MAGEA11: variants seen among roughly 807,000 people sequenced by gnomAD.
The protein encoded by MAGEA11 is MAGE family member A11.
A neutral mutation model predicts 8.4 loss-of-function variants in MAGEA11; 1 was observed. The observed-to-expected ratio is 0.12, with a 90% CI of 0.04 to 0.57. The LOEUF is 0.57. MAGEA11 is among the 20% of genes least tolerant of loss of function. MAGEA11 has a pLI of 0.91. For missense variants in MAGEA11, 209 were observed against 317.3 expected (o/e 0.66, Z 2.59); for synonymous variants, 127 against 119.3 (o/e 1.06, Z -0.42).
rs73608703 is a variant in MAGEA11 at position 149,698,515 on chromosome X, C to G, written c.9+9531C>G. On this transcript the variant is annotated intron_variant, in intron 1 of 3. Coordinates refer to the MAGEA11 transcript ENST00000333104. ...ATATTGTTGGTAAAGGCAGTCATGT[C>G]CTGTCTGTTGACCAACCTGCTCAGC... 6.0e-3 allele frequency among the ~76,000 whole-genome samples: 666 copies of G among 111,524 alleles called. 6 individuals are homozygous for G. Among genetic ancestry groups the G allele is most frequent in the African/African-American group, 0.021 (654 of 30,653 alleles).
chrX:149,716,212 G>A lies in MAGEA11; in HGVS notation c.726G>A (p.Leu242=). 1.7e-6 allele frequency: 2 copies of A among 1,211,872 alleles called. No individual in the cohort carries two copies. Among genetic ancestry groups the A allele is most frequent in the Non-Finnish European group, 2.2e-6 (2 of 895,288 alleles). ...LLLRKYRVKG[L]ITKAEMLGSV... The stretch of plus-strand genomic sequence containing the variant: ...TCCGCAAGTATCGAGTCAAGGGGCT[G>A]ATCACAAAGGCAGAAATGCTGGGGA... Residue 242 remains leucine (L), a synonymous_variant, in exon 5 of 5, where the codon CTG becomes CTA. Coordinates refer to ENST00000355220, the MANE Select transcript of MAGEA11 (RefSeq NM_005366.5).
At chrX:149,697,592 C>G (rs1221357389) in intron 1 of MAGEA11, among the ~76,000 whole-genome samples, 1 of 110,100 alleles carries the variant, frequency 9.1e-6, no homozygotes, top group Non-Finnish European at 1.9e-5. Context: ...TCGCCCCTAC[C>G]AGGGGTAGGG....
At position 149,716,533 on chromosome X, in the gene MAGEA11, C is replaced by T. The variant is rs782175031; in HGVS notation, c.1047C>T (p.His349=). The T allele has an allele frequency of 1.1e-5, 13 of 1,209,813 alleles. No individual in the cohort carries two copies. The Admixed American group carries it at 2.4e-4, about 22-fold the overall frequency. The part of the protein sequence containing the change: ...SIMGVYAGRE[H]FLFGEPKRLL... Reference sequence around the variant, plus strand: ...TGGGGGTGTATGCTGGAAGGGAGCACTTCCTCTTTGGGGAGCCCAAGAGGC... The same window carrying T: ...TGGGGGTGTATGCTGGAAGGGAGCATTTCCTCTTTGGGGAGCCCAAGAGGC... Residue 349 remains histidine, a synonymous_variant, in exon 5 of 5, where the codon CAC becomes CAT. Coordinates refer to ENST00000355220, the MANE Select transcript of MAGEA11 (RefSeq NM_005366.5).
intron 1 of MAGEA11, among the ~76,000 whole-genome samples, chrX:149,703,250 T>A (rs2090361633): frequency 8.9e-6 from 1 of 112,478 alleles, no homozygotes; most frequent in African/African-American, 3.2e-5. Flanking sequence ...CAAAAAGAGA[T>A]TTATACTTGG....
At chrX:149,713,706 T>C (rs2090413589) in intron 2 of MAGEA11, 1 of 117,473 alleles carries the variant, frequency 8.5e-6, no homozygotes, top group East Asian at 2.8e-4. Flanking sequence ...GCCCCTTCAC[T>C]TTCTGCCTCC....
rs200719649 is a variant in MAGEA11 at position 149,716,053 on chromosome X, T to A, written c.567T>A (p.Phe189Leu). The change falls in exon 5 of 5, where the codon TTT becomes TTA. Residue 189 changes from phenylalanine (F) to leucine (L), a missense_variant. Phe to Leu is a conservative substitution (Grantham distance 22). Around this residue, in one of 2 missense-constraint regions of MAGEA11, gnomAD observed 131 missense variants for 138.5 expected, o/e 0.95. Coordinates refer to ENST00000355220, the MANE Select transcript of MAGEA11 (RefSeq NM_005366.5). Reference sequence around the variant, plus strand: ...CTCCCACTGCCATGGATGCCATCTTTGGGAGCCTATCTGATGAGGGCTCTG... The same window carrying A: ...CTCCCACTGCCATGGATGCCATCTTAGGGAGCCTATCTGATGAGGGCTCTG... Reference protein sequence around the residue: ...SFSPTAMDAIFGSLSDEGSGS... With the variant: ...SFSPTAMDAILGSLSDEGSGS... The A allele has an allele frequency of 8.3e-7, 1 of 1,212,038 alleles. No individual in the cohort carries two copies. The highest frequency in any genetic ancestry group is 3.0e-5 in the East Asian group (1 of 33,849).
intron 3 of MAGEA11, among the ~76,000 whole-genome samples, chrX:149,715,320 C>A (rs1245868344): frequency 8.9e-6 from 1 of 111,817 alleles, no homozygotes; most frequent in African/African-American, 3.3e-5. Flanking sequence ...TGGGTGCTTG[C>A]AGTCTGCAGC....
At chrX:149,689,646 C>T (rs1236284946) in intron 1 of MAGEA11, among the ~76,000 whole-genome samples, 2 of 112,394 alleles carry the variant, frequency 1.8e-5, no homozygotes, top group African/African-American at 6.5e-5. Context: ...AAGCCCTGTG[C>T]TAGAAGACCT....
chrX:149,697,311 C>A (rs1211592451), intron 1 of MAGEA11, among the ~76,000 whole-genome samples: 1 of 111,458 alleles, frequency 9.0e-6, no homozygotes, highest in African/African-American at 3.3e-5. Flanking sequence ...TCCATCATTA[C>A]CGATTCACCC....
At chrX:149,701,578 C>T (rs1248306537) in intron 1 of MAGEA11, among the ~76,000 whole-genome samples, 1 of 109,565 alleles carries the variant, frequency 9.1e-6, no homozygotes, top group African/African-American at 3.3e-5. Context: ...TAATTAGATC[C>T]CATTTGTCAA....
chrX:149,713,717 C>G, intron 2 of MAGEA11: 1 of 118,859 alleles, frequency 8.4e-6, no homozygotes, highest in Non-Finnish European at 1.7e-5. Context: ...TTCTGCCTCC[C>G]ATATCTCAGA....
intron 1 of MAGEA11, among the ~76,000 whole-genome samples, chrX:149,694,015 G>A (rs182960621): frequency 1.8e-4 from 20 of 111,799 alleles, no homozygotes; most frequent in African/African-American, 3.9e-4. Context: ...TGAATAATGC[G>A]TCTATGTGCA....
intron 1 of MAGEA11, among the ~76,000 whole-genome samples, chrX:149,694,440 C>A (rs2090322357): frequency 8.9e-6 from 1 of 112,027 alleles, no homozygotes; most frequent in South Asian, 3.7e-4. Flanking sequence ...TGTGACTGTT[C>A]TCTTAATATT....
rs1557360995 is a variant in MAGEA11, at chrX:149,701,353, A to C, written c.9+12369A>C. Reference sequence around the variant, plus strand: ...ATTTTTTCATGTGTTTTTTGGCTGCATAAATGTCTTCTTTTGAGAAGTGTC... The same window carrying C: ...ATTTTTTCATGTGTTTTTTGGCTGCCTAAATGTCTTCTTTTGAGAAGTGTC... On this transcript the variant is annotated intron_variant, in intron 1 of 3. Transcript: ENST00000333104. Among the ~76,000 whole-genome samples, 3 of 109,853 alleles carry C rather than the reference A, an allele frequency of 2.7e-5. No homozygotes were observed. The South Asian group carries it at 1.2e-3, about 44-fold the overall frequency.
chrX:149,711,084 A>T (rs1254354390), upstream of MAGEA11, among the ~76,000 whole-genome samples: 1 of 111,661 alleles, frequency 9.0e-6, no homozygotes, highest in Non-Finnish European at 1.9e-5. Flanking sequence ...GGACATGAGG[A>T]AACACTGGTT....
At chrX:149,701,274 G>A (rs1328012768) in intron 1 of MAGEA11, among the ~76,000 whole-genome samples, 1 of 104,839 alleles carries the variant, frequency 9.5e-6, no homozygotes, top group Non-Finnish European at 2.0e-5. Context: ...GGTGTGAGAT[G>A]GTATCTCATT....
intron 1 of MAGEA11, chrX:149,689,000 T>A (rs782572906): frequency 9.7e-7 from 1 of 1,026,505 alleles, no homozygotes; most frequent in South Asian, 1.8e-5. Flanking sequence ...GGAATGTGCA[T>A]CTGCAAGGAG....
chrX:149,711,245 G>A (rs1260049351), upstream of MAGEA11, among the ~76,000 whole-genome samples: 5 of 112,515 alleles, frequency 4.4e-5, no homozygotes, highest in African/African-American at 1.6e-4. Flanking sequence ...AGGCAGTTAG[G>A]TTAAGTATGA....
chrX:149,714,964 C>T (rs2090419801), intron 3 of MAGEA11, among the ~76,000 whole-genome samples: 1 of 109,658 alleles, frequency 9.1e-6, no homozygotes, highest in African/African-American at 3.3e-5. Context: ...AAGGAGATGG[C>T]GTCAGGTCAA....
Sources: allele counts gnomAD v4.1 joint callset (sites outside exome capture counted in the v4.1 genomes callset), GRCh38; gene constraint gnomAD v4.1.1; regional missense constraint gnomAD v4.1.1; transcripts MANE v1.5; gene names NCBI Gene and HGNC (gene_info 2026-07-23, HGNC 2026-07-21).